Variants in EBF4 observed in about 807,000 individuals in gnomAD.
The protein encoded by EBF4 is EBF transcription factor 4.
In EBF4, 34 loss-of-function variants were observed where a neutral mutation model predicts 67.1. The ratio of observed to expected loss-of-function variants is 0.51; its 90% CI spans 0.39 to 0.67. EBF4 has a LOEUF of 0.67. EBF4 is among the 30% of genes least tolerant of loss of function. The probability of loss-of-function intolerance (pLI) is 0.00; values close to 1 mark genes in which losing one functional copy is unlikely to be tolerated. For synonymous variants in EBF4, 387 were observed against 377.7 expected (o/e 1.02, Z -0.29); for missense variants, 837 against 873.3 (o/e 0.96, Z 0.52).
At chr20:2,727,364 T>A (rs1238758919) in intron 6 of EBF4, among the ~76,000 whole-genome samples, 1 of 152,144 alleles carries the variant, frequency 6.6e-6, no homozygotes, top group East Asian at 1.9e-4. Flanking sequence ...TATGCAGGGA[T>A]TGGCCAGGTT....
chr20:2,702,039 T>C (rs2146373828), intron 1 of EBF4, among the ~76,000 whole-genome samples: 1 of 152,290 alleles, frequency 6.6e-6, no homozygotes, highest in East Asian at 1.9e-4. Context: ...TTGAAAGGAC[T>C]GCAGCCTGAG....
intron 15 of EBF4, 152 bp from the exon 16 acceptor site, chr20:2,758,757 T>G: frequency 1.5e-6 from 1 of 681,836 alleles, no homozygotes; most frequent in South Asian, 1.7e-5. Flanking sequence ...CACCCCGATC[T>G]GCAGTGCTGC....
intron 1 of EBF4, among the ~76,000 whole-genome samples, chr20:2,694,766 G>T (rs1470558448): frequency 6.6e-6 from 1 of 152,064 alleles, no homozygotes; most frequent in Non-Finnish European, 1.5e-5. Context: ...TTCACACTCC[G>T]CAGGACGCCT....
At chr20:2,729,931 C>T (rs2087791921) in intron 6 of EBF4, among the ~76,000 whole-genome samples, 1 of 152,168 alleles carries the variant, frequency 6.6e-6, no homozygotes, top group South Asian at 2.1e-4. Context: ...CAACCTCCAG[C>T]CTCAGAGCCA....
Position 2,696,520 on chromosome 20 carries a change from CCCCCAAG to C in EBF4, c.137+2744_137+2750del, listed in dbSNP as rs1203615236. Among the ~76,000 whole-genome samples the C allele has an allele frequency of 2.6e-5, 4 of 152,086 alleles. No individual in the cohort carries two copies. Among genetic ancestry groups the C allele is most frequent in the Admixed American group, 6.6e-5 (1 of 15,256 alleles). On this transcript the variant is annotated intron_variant, in intron 1 of 16. Coordinates refer to ENST00000609451, the Ensembl canonical transcript of EBF4. This position sits in a 1 kb window ranked among gnomAD's most constrained non-coding sequence, Gnocchi z 4.7. The stretch of plus-strand genomic sequence containing the variant: ...AAATAAAATAAAATAAAGTGACCAA[CCCCCAAG>C]CCCCACTGCTTCCTCATGGATATCT...
chr20:2,725,662 C>T (rs981512650), intron 6 of EBF4, among the ~76,000 whole-genome samples: 1 of 152,120 alleles, frequency 6.6e-6, no homozygotes. Flanking sequence ...CCAAATCTGG[C>T]CCCAAACCGG....
At chr20:2,716,076 T>C (rs1263005591) in intron 6 of EBF4, among the ~76,000 whole-genome samples, 3 of 151,842 alleles carry the variant, frequency 2.0e-5, no homozygotes, top group Admixed American at 6.6e-5. Context: ...TTAAAAATCT[T>C]GCCAGGCACA....
intron 1 of EBF4, among the ~76,000 whole-genome samples, chr20:2,698,011 C>T (rs1312093957): frequency 6.6e-6 from 1 of 152,220 alleles, no homozygotes; most frequent in Non-Finnish European, 1.5e-5. Context: ...TTTAATAATT[C>T]ATAGCCGATT....
At chr20:2,703,100 A>G (rs1192849408) in intron 1 of EBF4, among the ~76,000 whole-genome samples, 4 of 151,872 alleles carry the variant, frequency 2.6e-5, no homozygotes, top group African/African-American at 9.7e-5. Context: ...TACAAAAAGT[A>G]AACAAAATTA....
At chr20:2,735,447 T>G (rs1422793226) in intron 6 of EBF4, among the ~76,000 whole-genome samples, 2 of 152,250 alleles carry the variant, frequency 1.3e-5, no homozygotes, top group Admixed American at 6.5e-5. Context: ...CTTGCCTCAA[T>G]GTTCCTTGAG....
intron 6 of EBF4, among the ~76,000 whole-genome samples, chr20:2,719,562 C>T (rs757824562): frequency 6.6e-6 from 1 of 152,152 alleles, no homozygotes; most frequent in African/African-American, 2.4e-5. Flanking sequence ...CATGAACCAC[C>T]GTGCCTGGCC....
In EBF4 at chr20:2,745,264, G is replaced by A. The variant is rs186012442; in HGVS notation, c.558-3285G>A. On this transcript the variant is annotated intron_variant, in intron 6 of 16. Coordinates refer to ENST00000609451, the Ensembl canonical transcript of EBF4. This position sits in a 1 kb window ranked among gnomAD's most constrained non-coding sequence, Gnocchi z 5.2. ...AGGCTCTCTGACTGGGAGAAGCCTC[G>A]TGGACTACCAGCTGGAAGGGAGTGA... Among the ~76,000 whole-genome samples, 2 of 152,326 alleles carry A rather than the reference G, an allele frequency of 1.3e-5. No individual in the cohort carries two copies. The highest frequency in any genetic ancestry group is 6.5e-5 in the Admixed American group (1 of 15,304).
intron 16 of EBF4, 30 bp downstream of exon 16, chr20:2,759,014 C>G (rs575719294): frequency 3.2e-6 from 5 of 1,539,816 alleles, no homozygotes; most frequent in Non-Finnish European, 4.4e-6. Context: ...TGGCCTCCCC[C>G]GCCCCACCTG....
chr20:2,726,708 T>C (rs79388450), intron 6 of EBF4, among the ~76,000 whole-genome samples: 4,985 of 152,330 alleles, frequency 0.033, 169 homozygotes, highest in African/African-American at 0.084. Context: ...TTCTTGATTA[T>C]TTGTTACACA....
rs1382629663 is a variant in EBF4, at chr20:2,752,252, G to A, written c.1340G>A (p.Gly447Glu). ...ATCGCCGTCGGGGACGCCACCCCGG[G>A]GCCCGAGCCGGGTGCGTGGGCCGCG... Residue 447 changes from glycine (G) to glutamate (E), a missense_variant, in exon 13 of 17, where the codon GGG (glycine) becomes GAG (glutamate). This residue lies in a region of EBF4 where 525 missense variants were observed against 496.5 expected (regional missense o/e 1.06). Transcript: ENST00000609451. 9 of 1,275,422 alleles carry A rather than the reference G, an allele frequency of 7.1e-6. No homozygotes were observed. The African/African-American group carries it at 9.3e-5, about 13-fold the overall frequency. 79.0% of individuals were successfully genotyped at this position (1,275,422 alleles called of 1,614,324 possible). A position where few individuals can be genotyped will look rare whatever the true frequency, so the allele number is the denominator to read the frequency against.
intron 6 of EBF4, among the ~76,000 whole-genome samples, chr20:2,743,055 TC>T (rs1368610425): frequency 6.6e-6 from 1 of 151,928 alleles, no homozygotes; most frequent in Non-Finnish European, 1.5e-5. Context: ...TCTCTCACTC[TC>T]CCCCAGTCCC....
At chr20:2,725,345 C>T (rs986777177) in intron 6 of EBF4, among the ~76,000 whole-genome samples, 5 of 152,004 alleles carry the variant, frequency 3.3e-5, no homozygotes, top group Middle Eastern at 6.8e-3. Context: ...TTTAATTTAT[C>T]CCATGAGTTT....
At chr20:2,719,819 C>A (rs540010637) in intron 6 of EBF4, among the ~76,000 whole-genome samples, 1 of 152,260 alleles carries the variant, frequency 6.6e-6, no homozygotes, top group South Asian at 2.1e-4. Context: ...ATATGGCCCA[C>A]GTTGGTAAAT....
intron 7 of EBF4, 65 bp from the exon 8 acceptor site, chr20:2,749,336 C>A: frequency 7.7e-7 from 1 of 1,295,228 alleles, no homozygotes; most frequent in Non-Finnish European, 1.1e-6. Context: ...GCTGGTTCCC[C>A]ACCACATTCC....
Sources: gnomAD v4.1 joint callset for allele counts (sites outside exome capture counted in the v4.1 genomes callset) on GRCh38, gnomAD v4.1.1 for gene constraint, gnomAD v4.1.1 regional missense constraint, Gnocchi (gnomAD v3.1) non-coding constraint, MANE v1.5 for transcripts, NCBI Gene and HGNC (gene_info 2026-07-23, HGNC 2026-07-21) for gene names.